CADM1: variants seen among roughly 807,000 people sequenced by gnomAD.
CADM1 encodes cell adhesion molecule 1.
CADM1 carries 15 observed loss-of-function variants against 53.1 expected under a neutral mutation model. The ratio of observed to expected loss-of-function variants is 0.28; its 90% CI spans 0.19 to 0.44. The LOEUF (loss-of-function observed/expected upper bound fraction) is 0.44. CADM1 is among the 20% of genes least tolerant of loss of function. The pLI, the probability that CADM1 is intolerant of heterozygous loss-of-function variation, is 1.00. For synonymous variants in CADM1, 281 were observed against 243.0 expected, an observed-to-expected ratio of 1.16 and a Z score of -1.45; for missense variants, 434 against 611.3, an observed-to-expected ratio of 0.71 and a Z score of 3.06.
chr11:115,411,540 A>C (rs1183472027), intron 1 of CADM1, among the ~76,000 whole-genome samples: 1 of 152,250 alleles, frequency 6.6e-6, no homozygotes, highest in Non-Finnish European at 1.5e-5. Flanking sequence ...TCTAAACAGC[A>C]AAAGAAGGCC....
chr11:115,449,378 C>T (rs1353333790), intron 1 of CADM1, among the ~76,000 whole-genome samples: 2 of 152,186 alleles, frequency 1.3e-5, no homozygotes, highest in Non-Finnish European at 2.9e-5. Context: ...GCATTTTCAG[C>T]TAAGAGGCTC....
chr11:115,473,102 TCATCTTAGGCA>T (rs1415836917), intron 1 of CADM1, among the ~76,000 whole-genome samples: 1 of 152,230 alleles, frequency 6.6e-6, no homozygotes. Context: ...GCTAGCTGAA[TCATCTTAGGCA>T]AGGTACTTAA....
intron 1 of CADM1, among the ~76,000 whole-genome samples, chr11:115,502,343 T>C (rs1949746711): frequency 6.9e-6 from 1 of 145,978 alleles, no homozygotes; most frequent in Non-Finnish European, 1.5e-5. Context: ...TTTTTTTTTT[T>C]TTTTTTTTTT....
intron 1 of CADM1, among the ~76,000 whole-genome samples, chr11:115,407,496 A>T (rs1007143094): frequency 6.6e-6 from 1 of 152,306 alleles, no homozygotes; most frequent in South Asian, 2.1e-4. Flanking sequence ...ATGCCTAGAT[A>T]TGCACCCAAC....
chr11:115,358,312 G>A (rs901396654), intron 1 of CADM1, among the ~76,000 whole-genome samples: 1 of 152,124 alleles, frequency 6.6e-6, no homozygotes, highest in Non-Finnish European at 1.5e-5. Flanking sequence ...AAGACATACT[G>A]GAGACTGGGT....
intron 1 of CADM1, among the ~76,000 whole-genome samples, chr11:115,288,215 T>C (rs1007441271): frequency 2.0e-5 from 3 of 152,180 alleles, no homozygotes; most frequent in Non-Finnish European, 2.9e-5. Flanking sequence ...GAAGCCAGCA[T>C]GATCAGGAGT....
chr11:115,448,069 T>C (rs1948491718), intron 1 of CADM1, among the ~76,000 whole-genome samples: 1 of 152,168 alleles, frequency 6.6e-6, no homozygotes, highest in Non-Finnish European at 1.5e-5. Context: ...AATTACTGTG[T>C]GGTTCCTCTC....
chr11:115,362,990 C>T (rs1407783915), intron 1 of CADM1, among the ~76,000 whole-genome samples: 1 of 152,162 alleles, frequency 6.6e-6, no homozygotes, highest in Admixed American at 6.6e-5. Flanking sequence ...TTGTTATCTG[C>T]TAAGGAGACT....
At chr11:115,476,042 T>C (rs562362294) in intron 1 of CADM1, among the ~76,000 whole-genome samples, 1 of 152,328 alleles carries the variant, frequency 6.6e-6, no homozygotes, top group South Asian at 2.1e-4. Flanking sequence ...ATGATGAATG[T>C]AACTTGCTCA....
At chr11:115,336,812 AT>A (rs1320401529) in intron 1 of CADM1, among the ~76,000 whole-genome samples, 1 of 152,132 alleles carries the variant, frequency 6.6e-6, no homozygotes, top group Non-Finnish European at 1.5e-5. Context: ...ATTAGTTAAC[AT>A]TTTACATGGC....
chr11:115,280,235 T>C (rs1416273923), intron 1 of CADM1, among the ~76,000 whole-genome samples: 1 of 152,172 alleles, frequency 6.6e-6, no homozygotes, highest in Non-Finnish European at 1.5e-5. Flanking sequence ...AAATATACCA[T>C]CTTTTCTTTG....
At chr11:115,300,119 G>A (rs1031611140) in intron 1 of CADM1, among the ~76,000 whole-genome samples, 11 of 151,998 alleles carry the variant, frequency 7.2e-5, no homozygotes, top group African/African-American at 2.7e-4. Context: ...CTACAAAAAG[G>A]GAAGTAAAAC....
intron 1 of CADM1, among the ~76,000 whole-genome samples, chr11:115,313,923 A>G (rs1591699802): frequency 6.6e-6 from 1 of 152,188 alleles, no homozygotes; most frequent in African/African-American, 2.4e-5. Flanking sequence ...CACCCACCCT[A>G]GACTAGTGAG....
intron 3 of CADM1, among the ~76,000 whole-genome samples, chr11:115,232,419 A>T (rs1465493663): frequency 6.6e-6 from 1 of 152,210 alleles, no homozygotes; most frequent in African/African-American, 2.4e-5. Context: ...GCAGTAATAT[A>T]AGAAATGCCA....
chr11:115,183,561 TAC>T (rs1397342554), intron 10 of CADM1, among the ~76,000 whole-genome samples: 3 of 152,288 alleles, frequency 2.0e-5, no homozygotes, highest in Admixed American at 1.3e-4. Context: ...AGCCCTCGGC[TAC>T]ACAGAGTCCA....
At chr11:115,406,899 G>A (rs1947328690) in intron 1 of CADM1, among the ~76,000 whole-genome samples, 2 of 150,754 alleles carry the variant, frequency 1.3e-5, no homozygotes, top group Non-Finnish European at 2.9e-5. Flanking sequence ...GCAGTGAGCC[G>A]AGATTATGCC....
chr11:115,321,137 C>A (rs753984897), intron 1 of CADM1, among the ~76,000 whole-genome samples: 1 of 152,100 alleles, frequency 6.6e-6, no homozygotes, highest in Non-Finnish European at 1.5e-5. Context: ...TTTATGCCAG[C>A]CTTCAAGTAA....
intron 1 of CADM1, among the ~76,000 whole-genome samples, chr11:115,271,907 T>G (rs1342349680): frequency 2.0e-5 from 3 of 152,224 alleles, no homozygotes; most frequent in African/African-American, 7.2e-5. Context: ...AGATTTTGTA[T>G]GTATTCAACA....
At chr11:115,338,606 C>T (rs948913057) in intron 1 of CADM1, among the ~76,000 whole-genome samples, 16 of 152,162 alleles carry the variant, frequency 1.1e-4, no homozygotes, top group East Asian at 3.9e-4. Flanking sequence ...CACTGACCAA[C>T]GGCAGATGCT....
Sources: allele counts gnomAD v4.1 joint callset (sites outside exome capture counted in the v4.1 genomes callset), GRCh38; gene constraint gnomAD v4.1.1; transcripts MANE v1.5; gene names NCBI Gene and HGNC (gene_info 2026-07-23, HGNC 2026-07-21).